MACROD2: variants seen among roughly 807,000 people sequenced by gnomAD.
MACROD2 encodes the protein ADP-ribose glycohydrolase MACROD2.
Under a neutral mutation model 70.4 loss-of-function variants are expected in MACROD2, and 36 were observed. The ratio of observed to expected loss-of-function variants is 0.51; its 90% CI spans 0.39 to 0.68. The LOEUF (loss-of-function observed/expected upper bound fraction) is 0.68. Among genes scored for constraint, MACROD2 ranks in the 30% least tolerant of loss-of-function variants. The probability of loss-of-function intolerance (pLI) is 0.00; values close to 1 mark genes in which losing one functional copy is unlikely to be tolerated. For missense variants in MACROD2, 496 were observed against 538.4 expected (o/e 0.92, Z 0.78); for synonymous variants, 172 against 178.8 (o/e 0.96, Z 0.30).
chr20:15,221,839 A>G (rs1360647023), intron 5 of MACROD2, among the ~76,000 whole-genome samples: 1 of 152,208 alleles, frequency 6.6e-6, no homozygotes, highest in Non-Finnish European at 1.5e-5. Context: ...TCACATTCTC[A>G]TGTAAAAATG....
chr20:15,885,841 G>T (rs773391048), intron 10 of MACROD2, 30 bp downstream of exon 10: 70 of 1,486,752 alleles, frequency 4.7e-5, no homozygotes, highest in Non-Finnish European at 6.0e-5. Flanking sequence ...ATTATTAGGG[G>T]GTAGGTAGGG....
chr20:16,035,155 TATA>T lies in MACROD2; in HGVS notation c.1154-6042_1154-6040del, dbSNP rs1347710438. Among the ~76,000 whole-genome samples, 126 of 96,982 alleles carry T rather than the reference TATA, an allele frequency of 1.3e-3. 3 individuals are homozygous for T. The highest frequency in any genetic ancestry group is 0.013 in the East Asian group (47 of 3,698). The allele number at this position is 96,982 out of a possible 152,430, so 63.6% of individuals were successfully genotyped here. ...TATATATTATATATTATATATAAAA[TATA>T]ATATAAAATATAAAATATTATATAT... On this transcript the variant is annotated intron_variant, in intron 15 of 17. Coordinates refer to ENST00000684519, the MANE Select transcript of MACROD2 (RefSeq NM_001351661.2).
chr20:14,296,016 A>G (rs925903049), intron 3 of MACROD2, among the ~76,000 whole-genome samples: 1 of 151,832 alleles, frequency 6.6e-6, no homozygotes, highest in Non-Finnish European at 1.5e-5. Context: ...ACTGTGATTC[A>G]ATCTGTTGGA....
chr20:14,166,043 A>C (rs2055264072), intron 3 of MACROD2, among the ~76,000 whole-genome samples: 2 of 152,212 alleles, frequency 1.3e-5, no homozygotes, highest in Non-Finnish European at 2.9e-5. Flanking sequence ...GGTTGAAATA[A>C]TCTTTTTTCA....
chr20:14,649,901 C>T (rs1289583322), intron 4 of MACROD2, among the ~76,000 whole-genome samples: 2 of 152,210 alleles, frequency 1.3e-5, no homozygotes, highest in East Asian at 3.9e-4. Flanking sequence ...TGAATATTCT[C>T]AGTTCTTGAC....
intron 4 of MACROD2, among the ~76,000 whole-genome samples, chr20:14,626,709 T>C (rs1400494249): frequency 6.6e-6 from 1 of 152,134 alleles, no homozygotes; most frequent in Non-Finnish European, 1.5e-5. Flanking sequence ...AAGGGTAACG[T>C]ATCCTCAGGA....
intron 5 of MACROD2, among the ~76,000 whole-genome samples, chr20:14,737,544 G>T (rs1269288759): frequency 6.6e-6 from 1 of 152,100 alleles, no homozygotes; most frequent in Non-Finnish European, 1.5e-5. Context: ...CTTCCATGAT[G>T]GTTGACGTAA....
chr20:14,382,460 G>C (rs2083431214), intron 3 of MACROD2, among the ~76,000 whole-genome samples: 2 of 151,854 alleles, frequency 1.3e-5, no homozygotes, highest in African/African-American at 4.8e-5. Flanking sequence ...CCTGAGGTCG[G>C]GAGTTTGAGA....
intron 10 of MACROD2, among the ~76,000 whole-genome samples, chr20:15,914,680 A>G (rs1192739543): frequency 1.3e-5 from 2 of 152,178 alleles, no homozygotes; most frequent in Non-Finnish European, 2.9e-5. Flanking sequence ...CCAGACACCA[A>G]TTAGTTGTTC....
chr20:15,287,675 C>T (rs542284843), intron 6 of MACROD2, among the ~76,000 whole-genome samples: 5 of 152,266 alleles, frequency 3.3e-5, no homozygotes, highest in South Asian at 2.1e-4. Context: ...ATAAAGGGGG[C>T]GTATGGGTTT....
At chr20:14,461,584 C>T (rs933529176) in intron 3 of MACROD2, among the ~76,000 whole-genome samples, 8 of 151,738 alleles carry the variant, frequency 5.3e-5, no homozygotes, top group Non-Finnish European at 1.2e-4. Context: ...TATACCTGTG[C>T]CATGTTGTTG....
At chr20:14,347,481 A>G (rs572638146) in intron 3 of MACROD2, among the ~76,000 whole-genome samples, 6 of 152,180 alleles carry the variant, frequency 3.9e-5, no homozygotes, top group Non-Finnish European at 8.8e-5. Context: ...ACAGCTAAAT[A>G]TAGACGAAAA....
intron 4 of MACROD2, among the ~76,000 whole-genome samples, chr20:14,522,868 T>C (rs756294381): frequency 3.9e-5 from 6 of 152,152 alleles, no homozygotes; most frequent in Non-Finnish European, 5.9e-5. Context: ...TTTCTAACTG[T>C]TTTATTCATA....
intron 8 of MACROD2, among the ~76,000 whole-genome samples, chr20:15,842,468 C>CTT (rs3071404): frequency 0.34 from 46,480 of 137,192 alleles, 10,044 homozygotes; most frequent in African/African-American, 0.58. Flanking sequence ...TTTTTTTCAT[C>CTT]TTTTTTTTTT....
chr20:15,353,035 G>T (rs932572822), intron 6 of MACROD2, among the ~76,000 whole-genome samples: 1 of 151,866 alleles, frequency 6.6e-6, no homozygotes, highest in Non-Finnish European at 1.5e-5. Context: ...AAAAGAGCCC[G>T]CATTGCCAAG....
At chr20:15,439,172 T>G (rs138414665) in intron 7 of MACROD2, among the ~76,000 whole-genome samples, 1 of 152,300 alleles carries the variant, frequency 6.6e-6, no homozygotes, top group African/African-American at 2.4e-5. Context: ...ACAGGTCAGC[T>G]GGCCATCCAG....
intron 6 of MACROD2, among the ~76,000 whole-genome samples, chr20:15,427,084 C>G (rs2046308275): frequency 6.6e-6 from 1 of 152,154 alleles, no homozygotes; most frequent in Admixed American, 6.5e-5. Context: ...TAGATGAATT[C>G]TGTGCAAAGT....
chr20:15,022,321 C>T lies in MACROD2; in HGVS notation c.419-207619C>T, dbSNP rs535070137. ...CAACTGCACTTTAAATACCAATTCA[C>T]GGTCTGAAGTATTTAGGATCTAATG... On this transcript the variant is annotated intron_variant, in intron 5 of 17. Transcript: ENST00000684519. Among the ~76,000 whole-genome samples the T allele has an allele frequency of 1.1e-4, 17 of 152,210 alleles. No homozygotes were observed. In the East Asian group the frequency reaches 1.7e-3, roughly 16 times the overall value.
intron 4 of MACROD2, among the ~76,000 whole-genome samples, chr20:14,681,565 C>G (rs569517025): frequency 6.6e-6 from 1 of 152,198 alleles, no homozygotes; most frequent in African/African-American, 2.4e-5. Context: ...AAAGTCAGAA[C>G]AGGAACTCCC....
Sources: allele counts gnomAD v4.1 joint callset (sites outside exome capture counted in the v4.1 genomes callset), GRCh38; gene constraint gnomAD v4.1.1; transcripts MANE v1.5; gene names NCBI Gene and HGNC (gene_info 2026-07-23, HGNC 2026-07-21).